MYO1D: variants seen among roughly 807,000 people sequenced by gnomAD.
MYO1D encodes unconventional myosin-Id.
MYO1D carries 83 observed loss-of-function variants against 122.0 expected under a neutral mutation model. That is an observed-to-expected ratio of 0.68 (90% CI 0.57 to 0.82). MYO1D has a LOEUF of 0.82. Ranked by LOEUF, MYO1D falls within the 40% of genes least tolerant of loss-of-function variation. The pLI, the probability that MYO1D is intolerant of heterozygous loss-of-function variation, is 0.00. For missense variants in MYO1D, 1,157 were observed against 1,269.5 expected (o/e 0.91, Z 1.35); for synonymous variants, 464 against 446.9 (o/e 1.04, Z -0.48).
At chr17:32,815,922 T>C (rs1227743375) in intron 1 of MYO1D, among the ~76,000 whole-genome samples, 2 of 152,244 alleles carry the variant, frequency 1.3e-5, no homozygotes, top group East Asian at 1.9e-4. Context: ...TATCAATAAC[T>C]GAGAATCAAG....
intron 20 of MYO1D, among the ~76,000 whole-genome samples, chr17:32,622,427 A>AT (rs1296920009): frequency 6.6e-6 from 1 of 152,116 alleles, no homozygotes; most frequent in Non-Finnish European, 1.5e-5. Context: ...CATGGAGTCT[A>AT]TGTTCTAATG....
intron 17 of MYO1D, chr17:32,658,569 C>T (rs1374059676): frequency 6.6e-6 from 1 of 152,234 alleles, no homozygotes. Context: ...AAAGACAGCT[C>T]GCTCTAAAAA....
At chr17:32,786,649 G>A (rs1255841440) in intron 1 of MYO1D, among the ~76,000 whole-genome samples, 1 of 152,104 alleles carries the variant, frequency 6.6e-6, no homozygotes, top group African/African-American at 2.4e-5. Context: ...GCGAAACGCC[G>A]GCTCTACTAA....
In MYO1D at chr17:32,824,066, CA is replaced by C. The variant is rs58786179; in HGVS notation, c.96-43283del. On this transcript the variant is annotated intron_variant, in intron 1 of 21. Coordinates refer to ENST00000318217, the MANE Select transcript of MYO1D (RefSeq NM_015194.3). ...TGGGCGATAGAGCAAGACTCCGTCT[CA>C]AAAAAAAAAAAAAAAAAGAAGTACT... Among the ~76,000 whole-genome samples, 62 of 92,532 alleles carry C rather than the reference CA, an allele frequency of 6.7e-4. 1 individual carries two copies. Among genetic ancestry groups the C allele is most frequent in the Admixed American group, 6.2e-4 (5 of 8,070 alleles). The allele number at this position is 92,532 out of a possible 152,430, so 60.7% of individuals were successfully genotyped here.
At chr17:32,870,047 G>A (rs1204545779) in intron 1 of MYO1D, among the ~76,000 whole-genome samples, 1 of 152,154 alleles carries the variant, frequency 6.6e-6, no homozygotes. Flanking sequence ...ACTAAATTCA[G>A]CAGAAGTCTC....
At chr17:32,800,217 T>C (rs1217743903) in intron 1 of MYO1D, among the ~76,000 whole-genome samples, 1 of 152,162 alleles carries the variant, frequency 6.6e-6, no homozygotes, top group Non-Finnish European at 1.5e-5. Flanking sequence ...AAAATCACTA[T>C]GTCAAAGATC....
chr17:32,815,935 G>A (rs986828598), intron 1 of MYO1D, among the ~76,000 whole-genome samples: 3 of 152,152 alleles, frequency 2.0e-5, no homozygotes, highest in Non-Finnish European at 4.4e-5. Context: ...GAATCAAGAG[G>A]ATAAAATTAA....
rs913045131 is a variant in MYO1D at position 32,554,531 on chromosome 17, A to G, written c.2864+50556T>C. Among the ~76,000 whole-genome samples the G allele has an allele frequency of 3.9e-5, 6 of 152,242 alleles. No individual in the cohort carries two copies. The South Asian group carries it at 1.2e-3, about 32-fold the overall frequency. On this transcript the variant is annotated intron_variant, in intron 21 of 21. Coordinates refer to ENST00000318217, the MANE Select transcript of MYO1D (RefSeq NM_015194.3). ...AAGAATGGGAAGGATATATAAGTGAATATTTACCTGATCTTTCAGTGGGGA... is the reference window on the plus strand; with the variant it reads ...AAGAATGGGAAGGATATATAAGTGAGTATTTACCTGATCTTTCAGTGGGGA...
At chr17:32,542,368 T>C (rs1410437957) in intron 21 of MYO1D, among the ~76,000 whole-genome samples, 1 of 152,190 alleles carries the variant, frequency 6.6e-6, no homozygotes, top group African/African-American at 2.4e-5. Flanking sequence ...TAAATGCATA[T>C]GTGTGCAGAC....
intron 4 of MYO1D, among the ~76,000 whole-genome samples, chr17:32,774,968 A>G (rs1318892910): frequency 6.6e-6 from 1 of 152,182 alleles, no homozygotes; most frequent in African/African-American, 2.4e-5. Context: ...AACTCTATGT[A>G]TTCTCTTGCA....
At chr17:32,798,534 G>A (rs2090436594) in intron 1 of MYO1D, among the ~76,000 whole-genome samples, 2 of 152,178 alleles carry the variant, frequency 1.3e-5, no homozygotes, top group South Asian at 2.1e-4. Context: ...CTGGAGGCAC[G>A]TGGAACTTCT....
intron 16 of MYO1D, among the ~76,000 whole-genome samples, chr17:32,706,265 G>C (rs1612867): frequency 0.49 from 74,249 of 151,866 alleles, 18,415 homozygotes; most frequent in East Asian, 0.73. Flanking sequence ...CGCTACCACA[G>C]CAGGTTAATT....
At chr17:32,775,076 G>A (rs755807080) in intron 4 of MYO1D, among the ~76,000 whole-genome samples, 12 of 152,154 alleles carry the variant, frequency 7.9e-5, no homozygotes, top group Non-Finnish European at 1.5e-4. Flanking sequence ...TGAAGCAGGA[G>A]GGCTGCTTGA....
chr17:32,828,167 G>T (rs1158317539), intron 1 of MYO1D, among the ~76,000 whole-genome samples: 1 of 152,160 alleles, frequency 6.6e-6, no homozygotes, highest in Non-Finnish European at 1.5e-5. Flanking sequence ...TGGGTAAGAG[G>T]TCATTGTTCT....
At chr17:32,523,047 C>A (rs1246361425) in intron 21 of MYO1D, among the ~76,000 whole-genome samples, 1 of 152,182 alleles carries the variant, frequency 6.6e-6, no homozygotes, top group African/African-American at 2.4e-5. Flanking sequence ...GATCTCCTGA[C>A]CTTGTGATCT....
At chr17:32,857,195 T>C (rs1021974259) in intron 1 of MYO1D, among the ~76,000 whole-genome samples, 3 of 152,212 alleles carry the variant, frequency 2.0e-5, no homozygotes, top group African/African-American at 7.2e-5. Flanking sequence ...TGATGCCTAG[T>C]AGCTGCCCCA....
At chr17:32,655,047 A>G (rs1393179746) in intron 17 of MYO1D, among the ~76,000 whole-genome samples, 1 of 152,252 alleles carries the variant, frequency 6.6e-6, no homozygotes, top group Non-Finnish European at 1.5e-5. Flanking sequence ...GCATGCTAAA[A>G]AAAGTAAAAT....
In MYO1D at chr17:32,876,810, G is replaced by A. The variant is rs1480890392; in HGVS notation, c.63C>T (p.Ser21=). The part of the protein sequence containing the change: ...KADFVLMDTV[S]MPEFMANLRL... ...TGAGGTTGGCCATGAACTCGGGCAT[G>A]GAGACGGTGTCCATCAGCACGAAGT... Residue 21 remains serine, a synonymous_variant, in exon 1 of 22, where the codon TCC becomes TCT. Transcript: ENST00000318217. 6 of 1,525,628 alleles carry A rather than the reference G, an allele frequency of 3.9e-6. No homozygotes were observed. The highest frequency in any genetic ancestry group is 5.3e-6 in the Non-Finnish European group (6 of 1,137,214). 94.5% of individuals were successfully genotyped at this position (1,525,628 alleles called of 1,614,324 possible).
rs1343638446 is a variant in MYO1D, at chr17:32,868,143, TAC to T, written c.95+8633_95+8634del. ...TTATGAGAATGCATAGGGTGATAGT[TAC>T]AGAGTGAATTGGGAATAGCAAGGGC... is the stretch of plus-strand genomic sequence containing the variant. On this transcript the variant is annotated intron_variant, in intron 1 of 21. Transcript: ENST00000318217. Among the ~76,000 whole-genome samples, 15 of 152,278 alleles carry T rather than the reference TAC, an allele frequency of 9.9e-5. No individual in the cohort carries two copies. In the South Asian group the frequency reaches 3.1e-3, roughly 32 times the overall value.
Sources: gnomAD v4.1 joint callset for allele counts (sites outside exome capture counted in the v4.1 genomes callset) on GRCh38, gnomAD v4.1.1 for gene constraint, MANE v1.5 for transcripts, NCBI Gene and HGNC (gene_info 2026-07-23, HGNC 2026-07-21) for gene names.